FBXL17: variants seen among roughly 807,000 people sequenced by gnomAD.
FBXL17 encodes the protein F-box/LRR-repeat protein 17.
A neutral mutation model predicts 66.2 loss-of-function variants in FBXL17; 22 were observed. That is an observed-to-expected ratio of 0.33 (90% CI 0.24 to 0.47). The LOEUF is 0.47. FBXL17 is among the 20% of genes least tolerant of loss of function. The pLI is 1.00. For synonymous variants in FBXL17, 474 were observed against 400.5 expected (o/e 1.18, Z -2.19); for missense variants, 878 against 948.2 (o/e 0.93, Z 0.97).
chr5:108,217,610 C>A (rs1754662593), intron 5 of FBXL17, among the ~76,000 whole-genome samples: 1 of 152,052 alleles, frequency 6.6e-6, no homozygotes, highest in Non-Finnish European at 1.5e-5. Context: ...CAGCAATTTT[C>A]AAGTATACAA....
intron 8 of FBXL17, among the ~76,000 whole-genome samples, chr5:107,862,376 A>C (rs1304295180): frequency 6.6e-6 from 1 of 152,068 alleles, no homozygotes; most frequent in Non-Finnish European, 1.5e-5. Context: ...CTGAAATGTG[A>C]GGAATCAATA....
At chr5:107,871,116 A>T (rs557695527) in intron 8 of FBXL17, among the ~76,000 whole-genome samples, 26 of 151,266 alleles carry the variant, frequency 1.7e-4, no homozygotes, top group African/African-American at 6.1e-4. Flanking sequence ...AGTAAGACAG[A>T]TACTGAGAAT....
At chr5:108,280,656 C>A (rs1225630544) in intron 4 of FBXL17, among the ~76,000 whole-genome samples, 1 of 151,058 alleles carries the variant, frequency 6.6e-6, no homozygotes, top group Non-Finnish European at 1.5e-5. Context: ...GGACTAAAAC[C>A]TCACATATTA....
intron 6 of FBXL17, among the ~76,000 whole-genome samples, chr5:108,176,934 A>G (rs1752814230): frequency 1.3e-5 from 2 of 152,302 alleles, no homozygotes; most frequent in South Asian, 4.1e-4. Flanking sequence ...AAAAACCCAC[A>G]TACTTAAAAA....
intron 6 of FBXL17, among the ~76,000 whole-genome samples, chr5:108,172,360 G>A (rs1375010494): frequency 1.3e-5 from 2 of 152,146 alleles, no homozygotes; most frequent in Non-Finnish European, 2.9e-5. Context: ...AGCCAGCACA[G>A]ATATAAGAGG....
chr5:107,941,167 AC>A (rs779931549), intron 7 of FBXL17, among the ~76,000 whole-genome samples: 1 of 152,104 alleles, frequency 6.6e-6, no homozygotes, highest in Non-Finnish European at 1.5e-5. Context: ...TTTCAGAGTT[AC>A]AGGTTTGTTA....
At chr5:108,181,158 C>T (rs1428889466) in intron 6 of FBXL17, among the ~76,000 whole-genome samples, 4 of 151,976 alleles carry the variant, frequency 2.6e-5, no homozygotes, top group Admixed American at 6.6e-5. Flanking sequence ...TTCTGGACTC[C>T]GCGTCAAACA....
intron 4 of FBXL17, among the ~76,000 whole-genome samples, chr5:108,271,273 T>A (rs1757256811): frequency 6.6e-6 from 1 of 152,126 alleles, no homozygotes; most frequent in South Asian, 2.1e-4. Flanking sequence ...TCTCTATTAA[T>A]CCAACAAATG....
At chr5:108,272,901 G>T (rs549255563) in intron 4 of FBXL17, among the ~76,000 whole-genome samples, 2 of 152,132 alleles carry the variant, frequency 1.3e-5, no homozygotes, top group African/African-American at 4.8e-5. Flanking sequence ...AACTATCAGC[G>T]AACCTGCCCC....
chr5:108,296,414 C>T (rs1421642249), intron 4 of FBXL17, among the ~76,000 whole-genome samples: 7 of 151,630 alleles, frequency 4.6e-5, no homozygotes, highest in Non-Finnish European at 7.4e-5. Context: ...TTGTTTCTTT[C>T]GGCCTTATTT....
At chr5:108,071,155 C>T (rs1030725162) in intron 6 of FBXL17, among the ~76,000 whole-genome samples, 1 of 152,184 alleles carries the variant, frequency 6.6e-6, no homozygotes, top group East Asian at 1.9e-4. Context: ...TGCATTGCAG[C>T]GATGAACTCA....
chr5:108,257,076 T>C (rs1191064895), intron 4 of FBXL17, among the ~76,000 whole-genome samples: 1 of 152,194 alleles, frequency 6.6e-6, no homozygotes, highest in Non-Finnish European at 1.5e-5. Flanking sequence ...GATCACAAAC[T>C]ACCTGGGCTT....
chr5:107,964,661 T>C (rs1209469802), intron 7 of FBXL17, among the ~76,000 whole-genome samples: 1 of 152,114 alleles, frequency 6.6e-6, no homozygotes, highest in Non-Finnish European at 1.5e-5. Flanking sequence ...AGGCTATTTA[T>C]AGCAAGCTAA....
chr5:108,191,447 T>C (rs917947314), intron 5 of FBXL17, among the ~76,000 whole-genome samples: 2 of 152,186 alleles, frequency 1.3e-5, no homozygotes, highest in Non-Finnish European at 2.9e-5. Flanking sequence ...AAATATCACA[T>C]ATCAACAAGA....
At chr5:108,147,612 A>C (rs1210287559) in intron 6 of FBXL17, among the ~76,000 whole-genome samples, 1 of 152,242 alleles carries the variant, frequency 6.6e-6, no homozygotes, top group Non-Finnish European at 1.5e-5. Context: ...ATTCCAGAAG[A>C]ACACATCAGC....
chr5:108,302,317 A>G (rs1371175807), intron 4 of FBXL17, among the ~76,000 whole-genome samples: 3 of 151,854 alleles, frequency 2.0e-5, no homozygotes, highest in Non-Finnish European at 4.4e-5. Context: ...AAAGGGTGGG[A>G]GGGTTCACCT....
intron 6 of FBXL17, among the ~76,000 whole-genome samples, chr5:108,042,771 A>T (rs1161616594): frequency 3.3e-5 from 5 of 152,188 alleles, no homozygotes; most frequent in African/African-American, 1.2e-4. Flanking sequence ...CAGGAGTGCA[A>T]TTGTTGGGTC....
At chr5:108,246,730 T>C (rs899023705) in intron 4 of FBXL17, among the ~76,000 whole-genome samples, 2 of 152,200 alleles carry the variant, frequency 1.3e-5, no homozygotes, top group African/African-American at 4.8e-5. Flanking sequence ...ATTCACATAA[T>C]ATAAACTTGG....
At chr5:108,233,316 T>C (rs1311857760) in intron 4 of FBXL17, among the ~76,000 whole-genome samples, 2 of 152,322 alleles carry the variant, frequency 1.3e-5, no homozygotes, top group South Asian at 2.1e-4. Flanking sequence ...CTTTTGCATA[T>C]GTATACCAAT....
Sources: gnomAD v4.1 joint callset for allele counts (sites outside exome capture counted in the v4.1 genomes callset) on GRCh38, gnomAD v4.1.1 for gene constraint, MANE v1.5 for transcripts, NCBI Gene and HGNC (gene_info 2026-07-23, HGNC 2026-07-21) for gene names.